Variants in DCAF12 observed in about 807,000 individuals in gnomAD.
DCAF12 encodes the protein DDB1 and CUL4 associated factor 12, also known as DDB1- and CUL4-associated factor 12.
Under a neutral mutation model 52.8 loss-of-function variants are expected in DCAF12, and 28 were observed. The ratio of observed to expected loss-of-function variants is 0.53; its 90% CI spans 0.39 to 0.73. DCAF12 has a LOEUF of 0.73. DCAF12 is among the 30% of genes least tolerant of loss of function. The pLI, the probability that DCAF12 is intolerant of heterozygous loss-of-function variation, is 0.00. For missense variants in DCAF12, 425 were observed against 552.2 expected, an observed-to-expected ratio of 0.77 and a Z score of 2.31; for synonymous variants, 196 against 215.5, an observed-to-expected ratio of 0.91 and a Z score of 0.79.
chr9:34,108,717 C>T (rs998231989), intron 2 of DCAF12, among the ~76,000 whole-genome samples: 1 of 150,050 alleles, frequency 6.7e-6, no homozygotes, highest in African/African-American at 2.5e-5. Context: ...ACCGAGGAGG[C>T]GGAGGTTGCA....
intron 2 of DCAF12, among the ~76,000 whole-genome samples, chr9:34,111,927 G>A (rs1412594153): frequency 1.3e-5 from 2 of 151,714 alleles, no homozygotes; most frequent in Non-Finnish European, 2.9e-5. Context: ...TTCAAGTCAG[G>A]AGTTCAAGAC....
intron 4 of DCAF12, among the ~76,000 whole-genome samples, chr9:34,103,843 CAACAACAACAGT>C: frequency 6.6e-6 from 1 of 151,996 alleles, no homozygotes; most frequent in Admixed American, 6.6e-5. Flanking sequence ...CCTGTCTCAA[CAACAACAACAGT>C]AACAACAACA....
Position 34,096,747 on chromosome 9 carries a change from T to G in DCAF12, c.830A>C (p.His277Pro). 6.2e-7 allele frequency: 1 copy of G among 1,614,058 alleles called. No homozygotes were observed. Among genetic ancestry groups the G allele is most frequent in the Non-Finnish European group, 8.5e-7 (1 of 1,180,000 alleles). ...TAGTGTATTTTCAGCCTTCCAGAGA[T>G]GAAAGTAGCCATCCAGAGACACTGC... Reference protein sequence around the residue: ...LGAVSLDGYFHLWKAENTLSK... With the variant: ...LGAVSLDGYFPLWKAENTLSK... Residue 277 changes from histidine to proline, a missense_variant, in exon 6 of 9, where the codon CAT becomes CCT. Physicochemically the swap from His to Pro is moderately conservative, Grantham distance 77. This residue lies in a region of DCAF12 where 328 missense variants were observed against 444.4 expected (regional missense o/e 0.74). Coordinates refer to ENST00000361264, the MANE Select transcript of DCAF12 (RefSeq NM_015397.4).
At chr9:34,094,531 CTT>C (rs903364873) in intron 6 of DCAF12, among the ~76,000 whole-genome samples, 24 of 141,096 alleles carry the variant, frequency 1.7e-4, no homozygotes, top group African/African-American at 4.4e-4. Context: ...ATTTCTCCAG[CTT>C]TTTTTTTTTT....
chr9:34,115,442 T>A (rs1238329349), intron 2 of DCAF12, among the ~76,000 whole-genome samples: 1 of 24,942 alleles, frequency 4.0e-5, no homozygotes, highest in African/African-American at 1.2e-4. Flanking sequence ...ATACAAAAAA[T>A]TAGCCGGGCG....
intron 6 of DCAF12, among the ~76,000 whole-genome samples, chr9:34,094,904 TTA>T (rs1273472873): frequency 3.3e-5 from 5 of 152,166 alleles, no homozygotes; most frequent in Non-Finnish European, 7.3e-5. Flanking sequence ...CAAAATTCAT[TTA>T]TGTTTCATAT....
At chr9:34,120,266 G>T (rs946961025) in intron 2 of DCAF12, among the ~76,000 whole-genome samples, 2 of 136,320 alleles carry the variant, frequency 1.5e-5, no homozygotes, top group Non-Finnish European at 1.5e-5. Context: ...TATAGTCCCA[G>T]CTACTCAGGA....
chr9:34,126,564 G>A lies in DCAF12; in HGVS notation c.-133C>T. 3 of 960,242 alleles carry A rather than the reference G, an allele frequency of 3.1e-6. No homozygotes were observed. Among genetic ancestry groups the A allele is most frequent in the Non-Finnish European group, 4.5e-6 (3 of 669,084 alleles). 59.5% of individuals were successfully genotyped at this position (960,242 alleles called of 1,614,324 possible). A position where few individuals can be genotyped will look rare whatever the true frequency, so the allele number is the denominator to read the frequency against. On this transcript the variant is annotated 5_prime_UTR_variant, in exon 1 of 9. Transcript: ENST00000361264. ...CCGGCCCGGAAAATGGCCCGGACCCGGAGCGGCAGCAGAAAAAAGATAGGC... is the reference window on the plus strand; with the variant it reads ...CCGGCCCGGAAAATGGCCCGGACCCAGAGCGGCAGCAGAAAAAAGATAGGC...
At chr9:34,104,359 C>T (rs896541610) in intron 4 of DCAF12, among the ~76,000 whole-genome samples, 3 of 151,996 alleles carry the variant, frequency 2.0e-5, no homozygotes, top group African/African-American at 7.2e-5. Flanking sequence ...GACAAGGGCA[C>T]ATCTGGAGAA....
At chr9:34,103,178 G>A (rs1202037382) in intron 4 of DCAF12, among the ~76,000 whole-genome samples, 1 of 148,828 alleles carries the variant, frequency 6.7e-6, no homozygotes, top group Non-Finnish European at 1.5e-5. Context: ...TTAGGAGGCC[G>A]AGGCAGGTGG....
intron 7 of DCAF12, among the ~76,000 whole-genome samples, chr9:34,091,639 CAAAAA>C (rs34922785): frequency 2.1e-4 from 17 of 80,516 alleles, no homozygotes; most frequent in African/African-American, 6.7e-4. Flanking sequence ...ACCCTGTCTT[CAAAAA>C]AAAAAAAAAA....
intron 2 of DCAF12, among the ~76,000 whole-genome samples, chr9:34,111,750 G>C (rs1451111412): frequency 6.6e-6 from 1 of 152,180 alleles, no homozygotes; most frequent in Non-Finnish European, 1.5e-5. Context: ...AGATTCTTTA[G>C]GGAATATGTA....
intron 2 of DCAF12, among the ~76,000 whole-genome samples, chr9:34,107,803 G>GT (rs1828928335): frequency 6.6e-6 from 1 of 152,180 alleles, no homozygotes; most frequent in Non-Finnish European, 1.5e-5. Flanking sequence ...TTAGGAAGCA[G>GT]TAAGTTCTGC....
Position 34,089,545 on chromosome 9 carries a change from G to C in DCAF12, c.1070C>G (p.Thr357Arg). Residue 357 changes from threonine (T) to arginine (R), a missense_variant, in exon 8 of 9, where the codon ACA becomes AGA. Transcript: ENST00000361264. ...ATAGAACAGCAGGGAGCCCTGCCCT[G>C]TTCCCACAGTGATGATGTGCTCGTA... Reference protein sequence around the residue: ...SFYEHIITVGTGQGSLLFYDI... With the variant: ...SFYEHIITVGRGQGSLLFYDI... The C allele has an allele frequency of 6.2e-7, 1 of 1,613,350 alleles. No homozygotes were observed. The highest frequency in any genetic ancestry group is 2.2e-5 in the East Asian group (1 of 44,858).
intron 2 of DCAF12, among the ~76,000 whole-genome samples, chr9:34,123,366 C>A (rs998876910): frequency 1.6e-4 from 24 of 152,324 alleles, no homozygotes; most frequent in African/African-American, 5.1e-4. Context: ...ATTGCTCACT[C>A]AGAATATTTC....
chr9:34,122,370 T>C (rs1829188158), intron 2 of DCAF12, among the ~76,000 whole-genome samples: 1 of 152,152 alleles, frequency 6.6e-6, no homozygotes, highest in South Asian at 2.1e-4. Context: ...CCTTACTCTC[T>C]GCCAAGCTTC....
At chr9:34,105,236 G>C (rs1033127233) in intron 4 of DCAF12, among the ~76,000 whole-genome samples, 9 of 151,388 alleles carry the variant, frequency 5.9e-5, no homozygotes, top group Admixed American at 2.0e-4. Context: ...CTGGAAGACA[G>C]AGTGAGACTC....
intron 4 of DCAF12, among the ~76,000 whole-genome samples, chr9:34,105,899 C>T (rs767087718): frequency 4.6e-5 from 7 of 151,506 alleles, no homozygotes; most frequent in Admixed American, 1.3e-4. Flanking sequence ...CAAGCGCCCA[C>T]GACCACACTC....
At chr9:34,111,920 A>G (rs1829009338) in intron 2 of DCAF12, among the ~76,000 whole-genome samples, 1 of 151,900 alleles carries the variant, frequency 6.6e-6, no homozygotes, top group Non-Finnish European at 1.5e-5. Flanking sequence ...GGATCACTTC[A>G]AGTCAGGAGT....
Sources: allele counts gnomAD v4.1 joint callset (sites outside exome capture counted in the v4.1 genomes callset), GRCh38; gene constraint gnomAD v4.1.1; regional missense constraint gnomAD v4.1.1; transcripts MANE v1.5; gene names NCBI Gene and HGNC (gene_info 2026-07-23, HGNC 2026-07-21).